UMODL1: variants seen among roughly 807,000 people sequenced by gnomAD.
The protein encoded by UMODL1 is uromodulin-like 1.
In UMODL1, 128 loss-of-function variants were observed where a neutral mutation model predicts 136.3. The observed-to-expected ratio is 0.94, with a 90% CI of 0.81 to 1.09. The LOEUF (loss-of-function observed/expected upper bound fraction) is 1.09. Ranked by LOEUF, UMODL1 falls within the 50% of genes least tolerant of loss-of-function variation. The pLI, the probability that UMODL1 is intolerant of heterozygous loss-of-function variation, is 0.00. For synonymous variants in UMODL1, 721 were observed against 720.0 expected (o/e 1.00, Z -0.02); for missense variants, 1,766 against 1,725.6 (o/e 1.02, Z -0.41).
At chr21:42,140,091 C>T (rs1287824968) in intron 22 of UMODL1, among the ~76,000 whole-genome samples, 2 of 152,184 alleles carry the variant, frequency 1.3e-5, no homozygotes, top group Non-Finnish European at 2.9e-5. Context: ...GTCTACTACA[C>T]TTTGCTGAGT....
intron 21 of UMODL1, 34 bp downstream of exon 21, chr21:42,129,831 A>G (rs2067110441): frequency 2.0e-6 from 3 of 1,471,756 alleles, no homozygotes; most frequent in Non-Finnish European, 2.7e-6. Context: ...CAATGAAAGA[A>G]AAGATGCAAC....
rs760405821 is a variant in UMODL1 at position 42,129,731 on chromosome 21, T to C, written c.3709T>C (p.Leu1237=). Residue 1237 remains leucine (L), a synonymous_variant, in exon 21 of 23, where the codon TTG becomes CTG. Transcript: ENST00000408910. ...TCKINCNNFR[L]LQNSETSATH... is the part of the protein sequence containing the mutation. The stretch of plus-strand genomic sequence containing the variant: ...AAAACAGAATTGCAATAACTTTCGG[T>C]TGCTGCAAAATAGTGAAACCTCTGC... 3.2e-6 allele frequency: 5 copies of C among 1,580,494 alleles called. No homozygotes were observed. The highest frequency in any genetic ancestry group is 3.8e-5 in the Admixed American group (2 of 52,254).
At chr21:42,131,145 C>T (rs1462652676) in intron 21 of UMODL1, among the ~76,000 whole-genome samples, 1 of 152,208 alleles carries the variant, frequency 6.6e-6, no homozygotes. Context: ...AGGAAAGAAA[C>T]TTCCATGTCC....
At position 42,099,185 on chromosome 21, in the gene UMODL1, G is replaced by A; in HGVS notation, c.1186+5G>A. The A allele has an allele frequency of 6.2e-7, 1 of 1,609,884 alleles. No individual in the cohort carries two copies. Among genetic ancestry groups the A allele is most frequent in the East Asian group, 2.2e-5 (1 of 44,784 alleles). On this transcript the variant is annotated splice_donor_5th_base_variant and intron_variant, in intron 7 of 22. Transcript: ENST00000408910. The surrounding 1 kb of genome is among the most constrained non-coding windows in gnomAD (Gnocchi z 4.1). ...CCACGCTGACCATCAAAACCAGTAA[G>A]GCCCCCAGTCAGAGACCCACGTTAG... is the stretch of plus-strand genomic sequence containing the variant.
At position 42,123,808 on chromosome 21, in the gene UMODL1, T is replaced by A. The variant is rs527833903; in HGVS notation, c.3147+658T>A. Among the ~76,000 whole-genome samples the A allele has an allele frequency of 6.8e-6, 1 of 146,424 alleles. No homozygotes were observed. Among genetic ancestry groups the A allele is most frequent in the South Asian group, 2.1e-4 (1 of 4,822 alleles). The stretch of plus-strand genomic sequence containing the variant: ...GTGTGAGTGTGTATGTATGGGTGTG[T>A]GTTTGGGGGGCATTGGATGGCATTA... On this transcript the variant is annotated intron_variant, in intron 17 of 22. Coordinates refer to ENST00000408910, the MANE Select transcript of UMODL1 (RefSeq NM_001004416.3). This position sits in a 1 kb window ranked among gnomAD's most constrained non-coding sequence, Gnocchi z 4.4.
chr21:42,132,517 T>G (rs944458474), intron 21 of UMODL1, among the ~76,000 whole-genome samples: 1 of 151,102 alleles, frequency 6.6e-6, no homozygotes, highest in Non-Finnish European at 1.5e-5. Flanking sequence ...CCTTCTGTCA[T>G]CCCTTCATTC....
chr21:42,122,806 G>C lies in UMODL1; in HGVS notation c.2828-25G>C. 6.4e-7 allele frequency: 1 copy of C among 1,561,816 alleles called. No homozygotes were observed. The highest frequency in any genetic ancestry group is 8.7e-7 in the Non-Finnish European group (1 of 1,152,304). The stretch of plus-strand genomic sequence containing the variant: ...AACCCCAAACACAGAGCCACTCTTT[G>C]CCTTTTCCTCCTTGTGCCTTGCAGG... On this transcript the variant is annotated intron_variant, in intron 16 of 22. Coordinates refer to ENST00000408910, the MANE Select transcript of UMODL1 (RefSeq NM_001004416.3). The surrounding 1 kb of genome is among the most constrained non-coding windows in gnomAD (Gnocchi z 4.3).
chr21:42,112,324 A>C (rs73905555), intron 12 of UMODL1, among the ~76,000 whole-genome samples: 2 of 148,068 alleles, frequency 1.4e-5, no homozygotes, highest in South Asian at 4.3e-4. Context: ...GCTGCTCTGT[A>C]TCTGCCTAGC....
intron 4 of UMODL1, chr21:42,086,542 A>T (rs1220369672): frequency 1.3e-5 from 6 of 455,780 alleles, no homozygotes; most frequent in South Asian, 7.7e-5. Flanking sequence ...TGTTAAGGGG[A>T]CTGCCCAATT....
In UMODL1 at chr21:42,104,073, G is replaced by T. The variant is rs567061023; in HGVS notation, c.1505G>T (p.Gly502Val). The T allele has an allele frequency of 6.2e-7, 1 of 1,611,788 alleles. No individual in the cohort carries two copies. The change falls in exon 9 of 23, where the codon GGG (glycine) becomes GTG (valine). Residue 502 changes from glycine (G) to valine (V), a missense_variant. Physicochemically the swap from Gly to Val is moderately radical, Grantham distance 109. Transcript: ENST00000408910. ...ASTVFQIDRQ[G>V]TRVQDWDECV... ...ACAGTGTTCCAGATTGACCGGCAGG[G>T]GACACGCGTGCAAGGTATGGCCCAG... is the stretch of plus-strand genomic sequence containing the variant.
At chr21:42,076,513 C>T (rs77322906) in intron 2 of UMODL1, among the ~76,000 whole-genome samples, 5 of 152,274 alleles carry the variant, frequency 3.3e-5, no homozygotes, top group Non-Finnish European at 5.9e-5. Context: ...CCAGGGACCC[C>T]ACTTTGAGAA....
At chr21:42,127,289 T>A (rs748084287) in intron 19 of UMODL1, 47 bp downstream of exon 19, 3 of 1,531,878 alleles carry the variant, frequency 2.0e-6, no homozygotes, top group East Asian at 2.2e-5. Context: ...TGCCTGGGGC[T>A]TTATTAACAA....
chr21:42,090,243 AG>A, intron 5 of UMODL1, 54 bp from the exon 6 acceptor site: 1 of 1,608,302 alleles, frequency 6.2e-7, no homozygotes, highest in South Asian at 1.1e-5. Context: ...AGGTAGATGA[AG>A]ATGACGAGGT....
chr21:42,125,191 C>T (rs1033765611), intron 17 of UMODL1, among the ~76,000 whole-genome samples: 3 of 152,166 alleles, frequency 2.0e-5, no homozygotes, highest in Non-Finnish European at 4.4e-5. Context: ...ACGTCCTGAG[C>T]AGGAGGCTGG....
rs905303595 is a variant in UMODL1 at position 42,122,285 on chromosome 21, G to C, written c.2828-546G>C. 6.6e-6 allele frequency among the ~76,000 whole-genome samples: 1 copy of C among 152,144 alleles called. No individual in the cohort carries two copies. Among genetic ancestry groups the C allele is most frequent in the African/African-American group, 2.4e-5 (1 of 41,446 alleles). On this transcript the variant is annotated intron_variant, in intron 16 of 22. Coordinates refer to ENST00000408910, the MANE Select transcript of UMODL1 (RefSeq NM_001004416.3). This position sits in a 1 kb window ranked among gnomAD's most constrained non-coding sequence, Gnocchi z 4.3. ...GATTGGAAAGCTTTCCGGGCCCCTT[G>C]TTCTCCTAGGCATTGAAACTGAACC...
At chr21:42,133,129 GAC>G (rs2067155411) in intron 21 of UMODL1, among the ~76,000 whole-genome samples, 1 of 152,202 alleles carries the variant, frequency 6.6e-6, no homozygotes, top group South Asian at 2.1e-4. Flanking sequence ...AAATCATTTA[GAC>G]ACATGGAATC....
chr21:42,107,296 C>G (rs1325551466), intron 9 of UMODL1, among the ~76,000 whole-genome samples: 1 of 152,218 alleles, frequency 6.6e-6, no homozygotes, highest in Non-Finnish European at 1.5e-5. Context: ...CACCGGCATC[C>G]TTCTGCGTAA....
At position 42,083,607 on chromosome 21, in the gene UMODL1, C is replaced by A. The variant is rs143939482; in HGVS notation, c.320-477C>A. ...ACTGCTTCATTCCCTGAGGCTCTCA[C>A]CCCATCTGAATATCTGTAGATCTCC... On this transcript the variant is annotated intron_variant, in intron 2 of 22. Coordinates refer to ENST00000408910, the MANE Select transcript of UMODL1 (RefSeq NM_001004416.3). 3.9e-5 allele frequency among the ~76,000 whole-genome samples: 6 copies of A among 152,388 alleles called. No individual in the cohort carries two copies. The East Asian group carries it at 1.2e-3, about 29-fold the overall frequency.
rs762669286 is a variant in UMODL1, at chr21:42,115,884, C to T, written c.2374C>T (p.Leu792Phe). The stretch of plus-strand genomic sequence containing the variant: ...CCTCCATCCTGCAGCAGCCCGGAAG[C>T]TCATTGGAAAGGTCAGAATCAAAAA... ...HLKVRTAARK[L>F]IGKVRIKNVR... Residue 792 changes from leucine to phenylalanine, a missense_variant, in exon 14 of 23, where the codon CTC becomes TTC. Leu to Phe is a conservative substitution (Grantham distance 22). Transcript: ENST00000408910. 3 of 1,613,980 alleles carry T rather than the reference C, an allele frequency of 1.9e-6. No individual in the cohort carries two copies. Among genetic ancestry groups the T allele is most frequent in the East Asian group, 4.5e-5 (2 of 44,876 alleles).
Sources: allele counts gnomAD v4.1 joint callset (sites outside exome capture counted in the v4.1 genomes callset), GRCh38; gene constraint gnomAD v4.1.1; non-coding constraint Gnocchi (gnomAD v3.1); transcripts MANE v1.5; gene names NCBI Gene and HGNC (gene_info 2026-07-23, HGNC 2026-07-21).